The following NCKAP5 variants were observed in gnomAD, a reference collection of about 807,000 sequenced individuals.
NCKAP5 encodes NCK associated protein 5.
Under a neutral mutation model 167.0 loss-of-function variants are expected in NCKAP5, and 92 were observed. The observed-to-expected ratio is 0.55, with a 90% CI of 0.47 to 0.66. The LOEUF is 0.66. Among genes scored for constraint, NCKAP5 ranks in the 30% least tolerant of loss-of-function variants. The probability of loss-of-function intolerance (pLI) is 0.00; values close to 1 mark genes in which losing one functional copy is unlikely to be tolerated. For synonymous variants in NCKAP5, 891 were observed against 877.4 expected (o/e 1.02, Z -0.27); for missense variants, 2,378 against 2,315.0 (o/e 1.03, Z -0.56).
At chr2:132,857,716 C>T (rs1030319281) in intron 11 of NCKAP5, among the ~76,000 whole-genome samples, 3 of 152,182 alleles carry the variant, frequency 2.0e-5, no homozygotes, top group Non-Finnish European at 4.4e-5. Context: ...TATTGCCACC[C>T]ATAGTCCCAG....
At chr2:133,513,805 T>C (rs16826052) in intron 3 of NCKAP5, among the ~76,000 whole-genome samples, 17,700 of 151,994 alleles carry the variant, frequency 0.12, 1,903 homozygotes, top group African/African-American at 0.28. Flanking sequence ...ATTCATACTG[T>C]TACTCTCATC....
chr2:133,112,717 A>G (rs1216809736), intron 6 of NCKAP5, among the ~76,000 whole-genome samples: 2 of 152,252 alleles, frequency 1.3e-5, no homozygotes, highest in African/African-American at 4.8e-5. Context: ...AAACCCTTCC[A>G]AGCCTTTATG....
intron 7 of NCKAP5, among the ~76,000 whole-genome samples, chr2:132,979,379 CCCAGT>C (rs1165023641): frequency 6.6e-6 from 1 of 152,122 alleles, no homozygotes; most frequent in East Asian, 1.9e-4. Flanking sequence ...TTCTCACCCA[CCCAGT>C]CCAGTCTAGG....
chr2:132,855,917 C>A (rs1466476036), intron 11 of NCKAP5, among the ~76,000 whole-genome samples: 1 of 152,142 alleles, frequency 6.6e-6, no homozygotes, highest in African/African-American at 2.4e-5. Context: ...GTAATCCCAG[C>A]ACTTTAGGGG....
intron 2 of NCKAP5, among the ~76,000 whole-genome samples, chr2:133,550,994 A>G (rs1037918917): frequency 6.6e-6 from 1 of 152,144 alleles, no homozygotes; most frequent in African/African-American, 2.4e-5. Context: ...CCCATTCACA[A>G]TTGCTTCAAA....
chr2:133,000,265 C>T (rs916298338), intron 6 of NCKAP5, among the ~76,000 whole-genome samples: 1 of 152,264 alleles, frequency 6.6e-6, no homozygotes, highest in East Asian at 1.9e-4. Flanking sequence ...AGGGTCCCAC[C>T]ATGACTGAAC....
chr2:133,550,440 A>G (rs978689779), intron 2 of NCKAP5, among the ~76,000 whole-genome samples: 2 of 151,926 alleles, frequency 1.3e-5, no homozygotes, highest in Non-Finnish European at 2.9e-5. Context: ...AGTCTGGTTC[A>G]ATATATGCAA....
intron 9 of NCKAP5, among the ~76,000 whole-genome samples, chr2:132,875,287 T>C (rs116528149): frequency 0.014 from 2,141 of 152,304 alleles, 53 homozygotes; most frequent in African/African-American, 0.049. Context: ...CTTGCTGTTC[T>C]GGATCTGAGA....
the NCKAP5 span, among the ~76,000 whole-genome samples, chr2:133,602,816 G>A: frequency 4.6e-5 from 7 of 152,314 alleles, no homozygotes; most frequent in East Asian, 3.9e-4. Flanking sequence ...TGCGAAGGAC[G>A]GAAAGGGCCT....
chr2:133,380,442 T>C (rs1445568717), intron 3 of NCKAP5, among the ~76,000 whole-genome samples: 2 of 152,200 alleles, frequency 1.3e-5, no homozygotes, highest in African/African-American at 4.8e-5. Context: ...GTCTGGAATA[T>C]AATTAACCAA....
chr2:133,203,651 T>C (rs927679666), intron 5 of NCKAP5, among the ~76,000 whole-genome samples: 28 of 152,146 alleles, frequency 1.8e-4, no homozygotes, highest in African/African-American at 5.8e-4. Context: ...GCCTCCGGTA[T>C]CTGACTTGGA....
the NCKAP5 span, among the ~76,000 whole-genome samples, chr2:133,633,425 C>G: frequency 6.6e-6 from 1 of 152,146 alleles, no homozygotes; most frequent in African/African-American, 2.4e-5. Flanking sequence ...CAGATGTGCT[C>G]CCTCAACTGC....
intron 3 of NCKAP5, among the ~76,000 whole-genome samples, chr2:133,385,010 C>A (rs145040061): frequency 1.3e-5 from 2 of 151,922 alleles, no homozygotes; most frequent in African/African-American, 2.4e-5. Context: ...AATTTGACTT[C>A]CTGTTTTCCT....
chr2:133,451,552 C>T (rs1484109118), intron 3 of NCKAP5, among the ~76,000 whole-genome samples: 1 of 152,184 alleles, frequency 6.6e-6, no homozygotes, highest in Non-Finnish European at 1.5e-5. Flanking sequence ...CACTCTTATA[C>T]ACAGAACTTT....
intron 16 of NCKAP5, among the ~76,000 whole-genome samples, chr2:132,768,849 C>T (rs1681764823): frequency 6.6e-6 from 1 of 151,242 alleles, no homozygotes; most frequent in Non-Finnish European, 1.5e-5. Flanking sequence ...CTGTGTTAGC[C>T]AGGATGGTCT....
intron 4 of NCKAP5, among the ~76,000 whole-genome samples, chr2:133,224,504 G>T (rs2086798584): frequency 6.6e-6 from 1 of 152,166 alleles, no homozygotes; most frequent in South Asian, 2.1e-4. Context: ...GTAGCATTTT[G>T]TACATTTTAG....
In NCKAP5 at chr2:133,245,161, A is replaced by C. The variant is rs186737090; in HGVS notation, c.144-31382T>G. Reference sequence around the variant, plus strand: ...AGAGCCAACAAAATACTCACCAAAAATATGTACAAACCTGTTCATAGCAGC... The same window carrying C: ...AGAGCCAACAAAATACTCACCAAAACTATGTACAAACCTGTTCATAGCAGC... On this transcript the variant is annotated intron_variant, in intron 4 of 19. Coordinates refer to ENST00000409261, the MANE Select transcript of NCKAP5 (RefSeq NM_207363.3). 3.3e-5 allele frequency among the ~76,000 whole-genome samples: 5 copies of C among 152,150 alleles called. No homozygotes were observed. In the East Asian group the frequency reaches 9.6e-4, roughly 29 times the overall value.
chr2:133,317,088 A>T (rs13400743), intron 3 of NCKAP5, among the ~76,000 whole-genome samples: 28,525 of 152,092 alleles, frequency 0.19, 2,750 homozygotes, highest in Non-Finnish European at 0.21. Flanking sequence ...GCCTGAAGAG[A>T]CCTTCTCAGA....
rs573634368 is a variant in NCKAP5 at position 132,725,873 on chromosome 2, C to A, written c.5581-114G>T. On this transcript the variant is annotated intron_variant, in intron 18 of 19. Transcript: ENST00000409261. ...TGGCTGTCAATGTGTGCACAGAATTCCATTCCCACTGCCCAGCCCGCCGCT... is the reference window on the plus strand; with the variant it reads ...TGGCTGTCAATGTGTGCACAGAATTACATTCCCACTGCCCAGCCCGCCGCT... 9.4e-5 allele frequency: 107 copies of A among 1,135,704 alleles called. No homozygotes were observed. In the South Asian group the frequency reaches 1.4e-3, roughly 15 times the overall value. The allele number at this position is 1,135,704 out of a possible 1,614,324, so 70.4% of individuals were successfully genotyped here.
Sources: gnomAD v4.1 joint callset for allele counts (sites outside exome capture counted in the v4.1 genomes callset) on GRCh38, gnomAD v4.1.1 for gene constraint, MANE v1.5 for transcripts, NCBI Gene and HGNC (gene_info 2026-07-23, HGNC 2026-07-21) for gene names.